The following IGFBP4 variants were observed in gnomAD, a reference collection of about 807,000 sequenced individuals.
IGFBP4 encodes the protein insulin-like growth factor-binding protein 4.
A neutral mutation model predicts 25.8 loss-of-function variants in IGFBP4; 9 were observed. The ratio of observed to expected loss-of-function variants is 0.35; its 90% CI spans 0.21 to 0.61. IGFBP4 has a LOEUF of 0.61. IGFBP4 is among the 20% of genes least tolerant of loss of function. The probability of loss-of-function intolerance (pLI) is 0.77; values close to 1 mark genes in which losing one functional copy is unlikely to be tolerated. For missense variants in IGFBP4, 315 were observed against 365.3 expected (o/e 0.86, Z 1.12); for synonymous variants, 153 against 153.9 (o/e 0.99, Z 0.05).
intron 3 of IGFBP4, among the ~76,000 whole-genome samples, chr17:40,454,355 C>T (rs2035703373): frequency 6.6e-6 from 1 of 152,220 alleles, no homozygotes; most frequent in South Asian, 2.1e-4. Context: ...CCCTGGATTT[C>T]ACCATCTGTG....
At chr17:40,451,984 C>T (rs2035685774) in intron 1 of IGFBP4, among the ~76,000 whole-genome samples, 2 of 152,150 alleles carry the variant, frequency 1.3e-5, no homozygotes, top group African/African-American at 4.8e-5. Flanking sequence ...ACTACAGGCA[C>T]ATGCCACCAT....
chr17:40,451,443 A>AC (rs1182804778), intron 1 of IGFBP4, among the ~76,000 whole-genome samples: 1 of 145,532 alleles, frequency 6.9e-6, no homozygotes, highest in Non-Finnish European at 1.5e-5. Flanking sequence ...TTCTCCCCAC[A>AC]CCCCCCAAAC....
chr17:40,452,679 C>G (rs1351626493), intron 1 of IGFBP4, among the ~76,000 whole-genome samples: 1 of 152,124 alleles, frequency 6.6e-6, no homozygotes, highest in African/African-American at 2.4e-5. Flanking sequence ...CTCAGACCTC[C>G]CTGCAGGGCC....
chr17:40,452,698 C>G (rs1434118015), intron 1 of IGFBP4, among the ~76,000 whole-genome samples: 1 of 152,094 alleles, frequency 6.6e-6, no homozygotes, highest in African/African-American at 2.4e-5. Flanking sequence ...CCCAGGGGAC[C>G]CTCCTGCCAT....
intron 1 of IGFBP4, among the ~76,000 whole-genome samples, chr17:40,452,749 G>A (rs2035691283): frequency 6.6e-6 from 1 of 152,140 alleles, no homozygotes; most frequent in Admixed American, 6.5e-5. Flanking sequence ...GCGCTGGCCT[G>A]AGTGGGGTGA....
rs192667124 is a variant in IGFBP4, at chr17:40,454,017, C to T, written c.597C>T (p.Ile199=). Residue 199 remains isoleucine, a synonymous_variant, in exon 3 of 4, where the codon ATC becomes ATT. Coordinates refer to ENST00000269593, the MANE Select transcript of IGFBP4 (RefSeq NM_001552.3). ...GCACCCACGAGGACCTCTACATCAT[C>T]CCCATCCCCAACTGCGACCGCAACG... ...QSRTHEDLYI[I]PIPNCDRNGN... 9 of 1,612,862 alleles carry T rather than the reference C, an allele frequency of 5.6e-6. No individual in the cohort carries two copies. In the African/African-American group the frequency reaches 1.1e-4, roughly 19 times the overall value.
At chr17:40,444,441 G>C (rs377459619) in intron 1 of IGFBP4, among the ~76,000 whole-genome samples, 23 of 152,196 alleles carry the variant, frequency 1.5e-4, no homozygotes, top group Admixed American at 6.5e-4. Flanking sequence ...GGATGGTGGT[G>C]GGGTGTGTGT....
intron 1 of IGFBP4, among the ~76,000 whole-genome samples, chr17:40,451,900 G>T (rs1179079436): frequency 6.6e-6 from 1 of 152,166 alleles, no homozygotes; most frequent in Non-Finnish European, 1.5e-5. Context: ...GCAGTGGTGT[G>T]ATCATAGCTC....
Position 40,453,993 on chromosome 17 carries a change from C to T in IGFBP4, c.573C>T (p.Arg191=), listed in dbSNP as rs952481976. Residue 191 remains arginine, a synonymous_variant, in exon 3 of 4, where the codon CGC becomes CGT. Coordinates refer to ENST00000269593, the MANE Select transcript of IGFBP4 (RefSeq NM_001552.3). This position sits in a 1 kb window ranked among gnomAD's most constrained non-coding sequence, Gnocchi z 4.0. ...AGCGGCTGGCCGCTTCACAGAGCCG[C>T]ACCCACGAGGACCTCTACATCATCC... ...ALERLAASQS[R]THEDLYIIPI... is the part of the protein sequence containing the mutation. The T allele has an allele frequency of 6.2e-7, 1 of 1,613,770 alleles. No homozygotes were observed. The highest frequency in any genetic ancestry group is 1.1e-5 in the South Asian group (1 of 90,956).
At chr17:40,452,838 G>C in intron 1 of IGFBP4, 147 bp from the exon 2 acceptor site, 1 of 574,130 alleles carries the variant, frequency 1.7e-6, no homozygotes, top group Non-Finnish European at 2.9e-6. Flanking sequence ...GGCTGCTCTT[G>C]TTTCTTCCCG....
In IGFBP4 at chr17:40,453,194, ATGCCCCCTGC is replaced by A; in HGVS notation, c.507+53_507+62del. 5 of 1,378,974 alleles carry A rather than the reference ATGCCCCCTGC, an allele frequency of 3.6e-6. No individual in the cohort carries two copies. The highest frequency in any genetic ancestry group is 4.8e-6 in the Non-Finnish European group (5 of 1,038,458). The allele number at this position is 1,378,974 out of a possible 1,614,324, so 85.4% of individuals were successfully genotyped here. A position where few individuals can be genotyped will look rare whatever the true frequency, so the allele number is the denominator to read the frequency against. ...CATGTGCATAGACACACACACACAC[ATGCCCCCTGC>A]CCCCCACATGCACGCACCCACACAC... On this transcript the variant is annotated intron_variant, in intron 2 of 3. Transcript: ENST00000269593. This position sits in a 1 kb window ranked among gnomAD's most constrained non-coding sequence, Gnocchi z 4.0.
chr17:40,456,395 T>C (rs1567802056), intron 3 of IGFBP4, 54 bp from the exon 4 acceptor site: 2 of 1,606,444 alleles, frequency 1.2e-6, no homozygotes, highest in African/African-American at 2.7e-5. Context: ...GGTGGGTCAC[T>C]TGGGGTCTCT....
rs1358442840 is a variant in IGFBP4, at chr17:40,444,914, CACACACACACACAGAGACAGAG to C, written c.349+832_349+853del. The stretch of plus-strand genomic sequence containing the variant: ...ACACACACACACACACACACACACA[CACACACACACACAGAGACAGAG>C]AGAGAGAGAGAGAGAGAGAGAGAGA... On this transcript the variant is annotated intron_variant, in intron 1 of 3. Coordinates refer to ENST00000269593, the MANE Select transcript of IGFBP4 (RefSeq NM_001552.3). 2.9e-3 allele frequency among the ~76,000 whole-genome samples: 251 copies of C among 87,954 alleles called. 1 individual carries two copies. Among genetic ancestry groups the C allele is most frequent in the African/African-American group, 9.6e-3 (232 of 24,074 alleles). The allele number at this position is 87,954 out of a possible 152,430, so 57.7% of individuals were successfully genotyped here. A position where few individuals can be genotyped will look rare whatever the true frequency, so the allele number is the denominator to read the frequency against.
intron 3 of IGFBP4, among the ~76,000 whole-genome samples, chr17:40,455,398 G>A (rs946665339): frequency 2.6e-5 from 4 of 151,878 alleles, no homozygotes; most frequent in Non-Finnish European, 4.4e-5. Context: ...ACAGCTCCCT[G>A]CAACCTCCAC....
Position 40,453,964 on chromosome 17 carries a change from C to A in IGFBP4, c.544C>A (p.Leu182Met). 1 of 1,612,742 alleles carries A rather than the reference C, an allele frequency of 6.2e-7. No individual in the cohort carries two copies. The highest frequency in any genetic ancestry group is 8.5e-7 in the Non-Finnish European group (1 of 1,179,566). The change falls in exon 3 of 4, where the codon CTG becomes ATG. Residue 182 changes from leucine (L) to methionine (M), a missense_variant. Coordinates refer to ENST00000269593, the MANE Select transcript of IGFBP4 (RefSeq NM_001552.3). The surrounding 1 kb of genome is among the most constrained non-coding windows in gnomAD (Gnocchi z 4.0). ...CTGCCAGAGCGAGCTGCACCGGGCGCTGGAGCGGCTGGCCGCTTCACAGAG... is the reference window on the plus strand; with the variant it reads ...CTGCCAGAGCGAGCTGCACCGGGCGATGGAGCGGCTGGCCGCTTCACAGAG... Reference protein sequence around the residue: ...GSCQSELHRALERLAASQSRT... With the variant: ...GSCQSELHRAMERLAASQSRT...
At position 40,443,984 on chromosome 17, in the gene IGFBP4, C is replaced by A. The variant is rs1161099280; in HGVS notation, c.249C>A (p.Pro83=). 18 of 1,531,426 alleles carry A rather than the reference C, an allele frequency of 1.2e-5. No individual in the cohort carries two copies. Among genetic ancestry groups the A allele is most frequent in the Non-Finnish European group, 1.6e-5 (18 of 1,144,720 alleles). 94.9% of individuals were successfully genotyped at this position (1,531,426 alleles called of 1,614,324 possible). A position where few individuals can be genotyped will look rare whatever the true frequency, so the allele number is the denominator to read the frequency against. The change falls in exon 1 of 4, where the codon CCC becomes CCA. Residue 83 remains proline, a synonymous_variant. Transcript: ENST00000269593. ...RCGSGLRCYP[P]RGVEKPLHTL... is the part of the protein sequence containing the mutation. ...GCTCGGGCCTGCGCTGCTACCCGCCCCGAGGGGTGGAGAAGCCCCTGCACA... is the reference window on the plus strand; with the variant it reads ...GCTCGGGCCTGCGCTGCTACCCGCCACGAGGGGTGGAGAAGCCCCTGCACA...
At chr17:40,449,761 A>G (rs79182796) in intron 1 of IGFBP4, among the ~76,000 whole-genome samples, 4 of 151,706 alleles carry the variant, frequency 2.6e-5, no homozygotes, top group Non-Finnish European at 5.9e-5. Context: ...AAAAAAAAAA[A>G]AGGAGAGAGA....
Position 40,454,012 on chromosome 17 carries a change from A to G in IGFBP4, c.592A>G (p.Ile198Val), listed in dbSNP as rs772328729. 3 of 1,613,000 alleles carry G rather than the reference A, an allele frequency of 1.9e-6. No homozygotes were observed. In the South Asian group the frequency reaches 3.3e-5, roughly 18 times the overall value. ...GAGCCGCACCCACGAGGACCTCTAC[A>G]TCATCCCCATCCCCAACTGCGACCG... The part of the protein sequence containing the change: ...SQSRTHEDLY[I>V]IPIPNCDRNG... Residue 198 changes from isoleucine to valine, a missense_variant, in exon 3 of 4, where the codon ATC becomes GTC. Physicochemically the swap from Ile to Val is conservative, Grantham distance 29. Transcript: ENST00000269593.
intron 1 of IGFBP4, among the ~76,000 whole-genome samples, chr17:40,446,311 A>T (rs1188466405): frequency 3.1e-3 from 1 of 324 alleles, no homozygotes; most frequent in Non-Finnish European, 0.013. Context: ...TCTATTTCGT[A>T]AAAAAAAAAA....
Sources: allele counts gnomAD v4.1 joint callset (sites outside exome capture counted in the v4.1 genomes callset), GRCh38; gene constraint gnomAD v4.1.1; non-coding constraint Gnocchi (gnomAD v3.1); transcripts MANE v1.5; gene names NCBI Gene and HGNC (gene_info 2026-07-23, HGNC 2026-07-21).